MYO1E: variants seen among roughly 807,000 people sequenced by gnomAD.
The protein encoded by MYO1E is myosin IE.
Under a neutral mutation model 151.1 loss-of-function variants are expected in MYO1E, and 68 were observed. The ratio of observed to expected loss-of-function variants is 0.45; its 90% CI spans 0.37 to 0.55. The LOEUF (loss-of-function observed/expected upper bound fraction) is 0.55. MYO1E is among the 20% of genes least tolerant of loss of function. The pLI is 0.00. For missense variants in MYO1E, 1,363 were observed against 1,389.3 expected, an observed-to-expected ratio of 0.98 and a Z score of 0.30; for synonymous variants, 601 against 501.7, an observed-to-expected ratio of 1.20 and a Z score of -2.64.
At chr15:59,156,762 ACT>A (rs1298897970) in intron 25 of MYO1E, among the ~76,000 whole-genome samples, 1 of 152,198 alleles carries the variant, frequency 6.6e-6, no homozygotes, top group Admixed American at 6.5e-5. Context: ...AATACCAAAC[ACT>A]CTGGGAGTAA....
chr15:59,351,189 G>A (rs779952813), intron 1 of MYO1E, among the ~76,000 whole-genome samples: 23 of 151,988 alleles, frequency 1.5e-4, no homozygotes, highest in Non-Finnish European at 2.8e-4. Context: ...GTGAGCCACC[G>A]CACCCGGCCT....
At position 59,195,481 on chromosome 15, in the gene MYO1E, G is replaced by C; in HGVS notation, c.1785C>G (p.Pro595=). The C allele has an allele frequency of 6.2e-7, 1 of 1,613,852 alleles. No homozygotes were observed. Among genetic ancestry groups the C allele is most frequent in the Admixed American group, 1.7e-5 (1 of 60,000 alleles). ...GATACCTGCTTTCCTCCCAGTCTCT[G>C]GGCTTCTTGGTTTCGTTTGGCTTGA... The part of the protein sequence containing the change: ...RCIKPNETKK[P]RDWEESRVKH... Residue 595 remains proline, a synonymous_variant, in exon 17 of 28, where the codon CCC becomes CCG. Transcript: ENST00000288235.
intron 18 of MYO1E, among the ~76,000 whole-genome samples, chr15:59,183,617 G>T (rs2079678123): frequency 6.6e-6 from 1 of 152,066 alleles, no homozygotes; most frequent in Non-Finnish European, 1.5e-5. Flanking sequence ...ATGCAATGTG[G>T]AATAACCACA....
chr15:59,214,319 A>G lies in MYO1E; in HGVS notation c.1189-5T>C, dbSNP rs1421176185. 7 of 1,575,132 alleles carry G rather than the reference A, an allele frequency of 4.4e-6. No homozygotes were observed. The highest frequency in any genetic ancestry group is 1.7e-5 in the Admixed American group (1 of 58,752). The stretch of plus-strand genomic sequence containing the variant: ...AAACTGTTCAAAGCCATTTTTCTGG[A>G]AAAAAAAAGTTATTCACATGTAATT... On this transcript the variant is annotated splice_region_variant and splice_polypyrimidine_tract_variant and intron_variant, in intron 11 of 27. Transcript: ENST00000288235.
chr15:59,325,437 A>G (rs2080657875), intron 1 of MYO1E, among the ~76,000 whole-genome samples: 1 of 152,182 alleles, frequency 6.6e-6, no homozygotes, highest in African/African-American at 2.4e-5. Flanking sequence ...TTCGTGCACA[A>G]TGAGTCCCAG....
At chr15:59,295,159 A>C (rs2140399358) in intron 1 of MYO1E, among the ~76,000 whole-genome samples, 1 of 152,256 alleles carries the variant, frequency 6.6e-6, no homozygotes, top group Non-Finnish European at 1.5e-5. Flanking sequence ...AATGAGACAA[A>C]ATCACTAAAA....
chr15:59,240,386 G>GT (rs1345800164), intron 4 of MYO1E, among the ~76,000 whole-genome samples: 17 of 143,802 alleles, frequency 1.2e-4, no homozygotes, highest in African/African-American at 3.9e-4. Flanking sequence ...GTCTGTGTGT[G>GT]GGGGGGGTCT....
intron 17 of MYO1E, among the ~76,000 whole-genome samples, chr15:59,191,573 T>A (rs1437250104): frequency 2.0e-5 from 3 of 152,080 alleles, no homozygotes; most frequent in Non-Finnish European, 4.4e-5. Flanking sequence ...AGGGAATGCA[T>A]CACCCATTAA....
chr15:59,253,218 G>A (rs1464309603), intron 4 of MYO1E, among the ~76,000 whole-genome samples: 1 of 152,200 alleles, frequency 6.6e-6, no homozygotes, highest in Non-Finnish European at 1.5e-5. Context: ...GTGAGTAATG[G>A]CAGTGAATCC....
At chr15:59,253,730 C>G (rs2080178494) in intron 4 of MYO1E, among the ~76,000 whole-genome samples, 1 of 151,964 alleles carries the variant, frequency 6.6e-6, no homozygotes, top group Non-Finnish European at 1.5e-5. Flanking sequence ...TCTGCCCACC[C>G]AAGAGTGCTG....
At chr15:59,326,917 A>G (rs1180210691) in intron 1 of MYO1E, among the ~76,000 whole-genome samples, 13 of 152,158 alleles carry the variant, frequency 8.5e-5, no homozygotes, top group Admixed American at 8.5e-4. Flanking sequence ...ACTGTATGTA[A>G]AAAGGTTTTA....
At chr15:59,280,480 C>CAG (rs201096935) in intron 1 of MYO1E, among the ~76,000 whole-genome samples, 4,118 of 152,036 alleles carry the variant, frequency 0.027, 74 homozygotes, top group Non-Finnish European at 0.034. Flanking sequence ...CAAAATTAGC[C>CAG]TCGTGGTGGT....
In MYO1E at chr15:59,261,008, G is replaced by A. The variant is rs183970809; in HGVS notation, c.237+412C>T. ...GCAGGTGGATCACCTGAGGTCAGGC[G>A]TTCAAGACTAGCCTGACCAACATGG... On this transcript the variant is annotated intron_variant, in intron 3 of 27. Transcript: ENST00000288235. Among the ~76,000 whole-genome samples the A allele has an allele frequency of 3.5e-4, 53 of 152,238 alleles. 1 individual carries two copies. In the East Asian group the frequency reaches 9.5e-3, roughly 27 times the overall value.
At chr15:59,150,638 G>C (rs2079470008) in intron 26 of MYO1E, among the ~76,000 whole-genome samples, 1 of 152,130 alleles carries the variant, frequency 6.6e-6, no homozygotes, top group African/African-American at 2.4e-5. Flanking sequence ...GAAAGGTGTA[G>C]GTCTGGGTTA....
chr15:59,237,257 G>A (rs1324799853), intron 4 of MYO1E, among the ~76,000 whole-genome samples: 1 of 152,006 alleles, frequency 6.6e-6, no homozygotes. Context: ...AGAAAAAGTG[G>A]GCACTCTGAG....
intron 1 of MYO1E, among the ~76,000 whole-genome samples, chr15:59,281,280 C>T (rs56835893): frequency 0.26 from 37,618 of 146,042 alleles, 5,486 homozygotes; most frequent in African/African-American, 0.42. Context: ...TCTTTTCTTT[C>T]TTTTTTTTTT....
chr15:59,358,263 GGAGGAAGAGGAGGAT>G (rs1443247761), intron 1 of MYO1E, among the ~76,000 whole-genome samples: 1 of 151,992 alleles, frequency 6.6e-6, no homozygotes, highest in Non-Finnish European at 1.5e-5. Context: ...AGGAGGATGA[GGAGGAAGAGGAGGAT>G]GAGGAGGAGG....
At chr15:59,357,262 A>T (rs2080859579) in intron 1 of MYO1E, among the ~76,000 whole-genome samples, 1 of 152,028 alleles carries the variant, frequency 6.6e-6, no homozygotes, top group South Asian at 2.1e-4. Flanking sequence ...TCAAGAAACA[A>T]CGAGGGGAGG....
intron 1 of MYO1E, among the ~76,000 whole-genome samples, chr15:59,308,671 CAAAAA>C (rs36088204): frequency 8.0e-6 from 1 of 124,472 alleles, no homozygotes; most frequent in Non-Finnish European, 1.7e-5. Context: ...GACACCATCT[CAAAAA>C]AAAAAAAAAA....
Sources: allele counts gnomAD v4.1 joint callset (sites outside exome capture counted in the v4.1 genomes callset), GRCh38; gene constraint gnomAD v4.1.1; transcripts MANE v1.5; gene names NCBI Gene and HGNC (gene_info 2026-07-23, HGNC 2026-07-21).